The following ACOT7 variants were observed in gnomAD, a reference collection of about 807,000 sequenced individuals.
The protein encoded by ACOT7 is acyl-CoA thioesterase 7, also known as cytosolic acyl coenzyme A thioester hydrolase.
ACOT7 carries 12 observed loss-of-function variants against 40.2 expected under a neutral mutation model. The ratio of observed to expected loss-of-function variants is 0.30; its 90% CI spans 0.19 to 0.48. The LOEUF is 0.48. ACOT7 is among the 20% of genes least tolerant of loss of function. The pLI, the probability that ACOT7 is intolerant of heterozygous loss-of-function variation, is 0.99. For missense variants in ACOT7, 395 were observed against 530.8 expected (o/e 0.74, Z 2.51); for synonymous variants, 228 against 219.5 (o/e 1.04, Z -0.34).
At chr1:6,336,576 T>C (rs1641108785) in intron 3 of ACOT7, among the ~76,000 whole-genome samples, 1 of 152,082 alleles carries the variant, frequency 6.6e-6, no homozygotes, top group African/African-American at 2.4e-5. Context: ...GACCCCTGTC[T>C]CCTGGGGTGG....
rs1004629680 is a variant in ACOT7 at position 6,330,052 on chromosome 1, CAGTGTGTGTGTGT to C, written c.511-2652_511-2640del. On this transcript the variant is annotated intron_variant, in intron 4 of 8. Transcript: ENST00000361521. This position sits in a 1 kb window ranked among gnomAD's most constrained non-coding sequence, Gnocchi z 4.6. ...AGGGAGACGCACACATCCAGGAAAC[CAGTGTGTGTGTGT>C]GGTGTGTGTGTGTGTGTGCGTGTTC... is the stretch of plus-strand genomic sequence containing the variant. Among the ~76,000 whole-genome samples the C allele has an allele frequency of 1.3e-5, 2 of 152,124 alleles. No homozygotes were observed. The highest frequency in any genetic ancestry group is 2.4e-5 in the African/African-American group (1 of 41,424).
Position 6,267,565 on chromosome 1 carries a change from A to C in ACOT7, c.1015-2870T>G, listed in dbSNP as rs11121547. ...GCCTCTCTGATGGTCTGTACCAGGCAGGTTTGGGGATCTATGCACTAAATG... is the reference window on the plus strand; with the variant it reads ...GCCTCTCTGATGGTCTGTACCAGGCCGGTTTGGGGATCTATGCACTAAATG... On this transcript the variant is annotated intron_variant, in intron 8 of 8. Coordinates refer to ENST00000361521, the MANE Select transcript of ACOT7 (RefSeq NM_007274.4). Among the ~76,000 whole-genome samples the C allele has an allele frequency of 2.8e-3, 434 of 152,336 alleles. 3 individuals carry two copies. The highest frequency in any genetic ancestry group is 9.9e-3 in the African/African-American group (411 of 41,564).
intron 8 of ACOT7, among the ~76,000 whole-genome samples, chr1:6,276,109 C>T (rs1639181385): frequency 6.6e-6 from 1 of 152,184 alleles, no homozygotes; most frequent in African/African-American, 2.4e-5. Flanking sequence ...ACACCTCCTC[C>T]TCAGGCCCAG....
intron 2 of ACOT7, among the ~76,000 whole-genome samples, chr1:6,340,658 G>A (rs72858349): frequency 0.12 from 18,691 of 152,156 alleles, 2,113 homozygotes; most frequent in African/African-American, 0.29. Context: ...CAAAAACTAA[G>A]TATACACCCT....
At chr1:6,313,042 C>A (rs1640383747) in intron 6 of ACOT7, among the ~76,000 whole-genome samples, 1 of 152,160 alleles carries the variant, frequency 6.6e-6, no homozygotes, top group Non-Finnish European at 1.5e-5. Flanking sequence ...AGTTCTTGGG[C>A]CCCTTCCTAC....
At chr1:6,297,749 A>G (rs1190213258) in intron 6 of ACOT7, among the ~76,000 whole-genome samples, 2 of 152,216 alleles carry the variant, frequency 1.3e-5, no homozygotes, top group Admixed American at 1.3e-4. Flanking sequence ...CAAGGTAGGA[A>G]GTTATCTTTT....
At chr1:6,332,542 G>A (rs1185880489) in intron 4 of ACOT7, among the ~76,000 whole-genome samples, 3 of 152,200 alleles carry the variant, frequency 2.0e-5, no homozygotes, top group Admixed American at 6.5e-5. Flanking sequence ...TCTGCCGGGC[G>A]CAGTGGTTCA....
At chr1:6,270,361 G>C (rs898590267) in intron 8 of ACOT7, among the ~76,000 whole-genome samples, 1 of 152,222 alleles carries the variant, frequency 6.6e-6, no homozygotes, top group African/African-American at 2.4e-5. Context: ...TCTCTCTCAA[G>C]TCCCCGAGGC....
At position 6,278,996 on chromosome 1, in the gene ACOT7, C is replaced by T. The variant is rs904430978; in HGVS notation, c.1014+2106G>A. Among the ~76,000 whole-genome samples, 4 of 152,166 alleles carry T rather than the reference C, an allele frequency of 2.6e-5. No individual in the cohort carries two copies. The highest frequency in any genetic ancestry group is 4.8e-5 in the African/African-American group (2 of 41,436). On this transcript the variant is annotated intron_variant, in intron 8 of 8. Coordinates refer to ENST00000361521, the MANE Select transcript of ACOT7 (RefSeq NM_007274.4). This position sits in a 1 kb window ranked among gnomAD's most constrained non-coding sequence, Gnocchi z 4.1. ...GAGAGCTTCGGAAATGTGCCTGGGT[C>T]AGGTGGGGGATTCAGCATCAGGACA... is the stretch of plus-strand genomic sequence containing the variant.
At chr1:6,293,046 C>T (rs566209222) in intron 7 of ACOT7, among the ~76,000 whole-genome samples, 3 of 151,798 alleles carry the variant, frequency 2.0e-5, no homozygotes, top group African/African-American at 4.8e-5. Context: ...CCCGCCACCA[C>T]GCCTGGCTAA....
chr1:6,366,616 T>C (rs1642017465), intron 1 of ACOT7, among the ~76,000 whole-genome samples: 2 of 150,932 alleles, frequency 1.3e-5, no homozygotes, highest in South Asian at 4.2e-4. Context: ...GATTTCTCTG[T>C]AGCATGCAAT....
intron 1 of ACOT7, among the ~76,000 whole-genome samples, chr1:6,354,302 C>T (rs1641677218): frequency 6.6e-6 from 1 of 152,168 alleles, no homozygotes; most frequent in Admixed American, 6.5e-5. Context: ...GAAGTGACAC[C>T]TTGGCCAAGT....
chr1:6,291,865 C>T (rs1034999114), intron 7 of ACOT7, among the ~76,000 whole-genome samples: 4 of 152,306 alleles, frequency 2.6e-5, no homozygotes, highest in Middle Eastern at 3.4e-3. Context: ...CAGCAGGGGC[C>T]GTGCCTCCCC....
chr1:6,278,667 T>C lies in ACOT7; in HGVS notation c.1014+2435A>G, dbSNP rs115162202. On this transcript the variant is annotated intron_variant, in intron 8 of 8. Coordinates refer to ENST00000361521, the MANE Select transcript of ACOT7 (RefSeq NM_007274.4). The surrounding 1 kb of genome is among the most constrained non-coding windows in gnomAD (Gnocchi z 4.1). ...GGGAGTCAATACAACACACAGGCGATGCTCGAGGCACAGACCATGGATCTG... is the reference window on the plus strand; with the variant it reads ...GGGAGTCAATACAACACACAGGCGACGCTCGAGGCACAGACCATGGATCTG... 4.2e-3 allele frequency among the ~76,000 whole-genome samples: 644 copies of C among 152,304 alleles called. 2 individuals are homozygous for C. The highest frequency in any genetic ancestry group is 0.015 in the African/African-American group (607 of 41,550).
chr1:6,369,191 G>C (rs1642078734), intron 1 of ACOT7, among the ~76,000 whole-genome samples: 1 of 152,034 alleles, frequency 6.6e-6, no homozygotes, highest in Middle Eastern at 3.4e-3. Flanking sequence ...ATGTTGGCCA[G>C]GCTGGTCTCG....
At chr1:6,322,027 G>A (rs1050512086) in intron 5 of ACOT7, among the ~76,000 whole-genome samples, 20 of 148,068 alleles carry the variant, frequency 1.4e-4, no homozygotes, top group African/African-American at 4.3e-4. Flanking sequence ...GCAGGCCCAC[G>A]CTGAAGCAGC....
intron 1 of ACOT7, among the ~76,000 whole-genome samples, chr1:6,379,017 TC>T (rs796393312): frequency 1.3e-5 from 2 of 151,894 alleles, no homozygotes; most frequent in African/African-American, 4.8e-5. Context: ...TGCCTCAGCC[TC>T]CCAAGTAGCT....
chr1:6,390,911 G>C (rs1442628535), intron 1 of ACOT7, among the ~76,000 whole-genome samples: 1 of 152,116 alleles, frequency 6.6e-6, no homozygotes, highest in Non-Finnish European at 1.5e-5. Flanking sequence ...ATTCCAGTCT[G>C]GGTGACAGAG....
At position 6,338,976 on chromosome 1, in the gene ACOT7, T is replaced by G. The variant is rs1641185823; in HGVS notation, c.418+457A>C. Among the ~76,000 whole-genome samples, 1 of 152,156 alleles carries G rather than the reference T, an allele frequency of 6.6e-6. No individual in the cohort carries two copies. The highest frequency in any genetic ancestry group is 1.5e-5 in the Non-Finnish European group (1 of 68,024). The stretch of plus-strand genomic sequence containing the variant: ...GAGGCAAAGGTTCACCCAGTGAGCT[T>G]CCATCTGAGCCTGGTTTCTGGGGCT... On this transcript the variant is annotated intron_variant, in intron 3 of 8. Coordinates refer to ENST00000361521, the MANE Select transcript of ACOT7 (RefSeq NM_007274.4). The surrounding 1 kb of genome is among the most constrained non-coding windows in gnomAD (Gnocchi z 4.4).
Sources: allele counts gnomAD v4.1 joint callset (sites outside exome capture counted in the v4.1 genomes callset), GRCh38; gene constraint gnomAD v4.1.1; non-coding constraint Gnocchi (gnomAD v3.1); transcripts MANE v1.5; gene names NCBI Gene and HGNC (gene_info 2026-07-23, HGNC 2026-07-21).